NDUFS4: variants seen among roughly 807,000 people sequenced by gnomAD.
NDUFS4 encodes NADH:ubiquinone oxidoreductase subunit S4.
NDUFS4 carries 28 observed loss-of-function variants against 24.3 expected under a neutral mutation model. That is an observed-to-expected ratio of 1.15 (90% CI 0.85 to 1.58). NDUFS4 has a LOEUF of 1.58. Among genes scored for constraint, NDUFS4 ranks in the 40% most tolerant of loss-of-function variants. The probability of loss-of-function intolerance (pLI) is 0.00; values close to 1 mark genes in which losing one functional copy is unlikely to be tolerated. For synonymous variants in NDUFS4, 93 were observed against 69.7 expected, an observed-to-expected ratio of 1.34 and a Z score of -1.67; for missense variants, 223 against 207.9, an observed-to-expected ratio of 1.07 and a Z score of -0.45.
intron 2 of NDUFS4, among the ~76,000 whole-genome samples, chr5:53,618,605 C>T (rs1158323409): frequency 1.3e-5 from 2 of 152,072 alleles, no homozygotes; most frequent in Non-Finnish European, 2.9e-5. Context: ...CTAATATCAT[C>T]TGTGATATTA....
chr5:53,680,548 A>G lies in NDUFS4; in HGVS notation c.425-2570A>G, dbSNP rs577731954. ...TGTTGAGTTCATGTGCTTTGTAGGG[A>G]CATGGATGAAATTGGAAATCATCAT... On this transcript the variant is annotated intron_variant, in intron 4 of 4. Coordinates refer to ENST00000296684, the MANE Select transcript of NDUFS4 (RefSeq NM_002495.4). 4.7e-4 allele frequency among the ~76,000 whole-genome samples: 71 copies of G among 152,308 alleles called. No homozygotes were observed. The East Asian group carries it at 0.013, about 28-fold the overall frequency.
In NDUFS4 at chr5:53,646,288, G is replaced by C; in HGVS notation, c.233G>C (p.Arg78Thr). The C allele has an allele frequency of 1.2e-6, 2 of 1,613,326 alleles. No individual in the cohort carries two copies. Among genetic ancestry groups the C allele is most frequent in the African/African-American group, 1.3e-5 (1 of 74,978 alleles). ...GAGCATATAAAAACTAGAAAAGTCAGGATCTTTGTTCCTGCTCGCAATAAC... is the reference window on the plus strand; with the variant it reads ...GAGCATATAAAAACTAGAAAAGTCACGATCTTTGTTCCTGCTCGCAATAAC... The part of the protein sequence containing the change: ...PEEHIKTRKV[R>T]IFVPARNNMQ... The change falls in exon 3 of 5, where the codon AGG (arginine) becomes ACG (threonine). Residue 78 changes from arginine (R) to threonine (T), a missense_variant. Arg to Thr is a moderately conservative substitution (Grantham distance 71). Transcript: ENST00000296684.
At chr5:53,593,806 G>A (rs1227981284) in intron 1 of NDUFS4, among the ~76,000 whole-genome samples, 1 of 151,874 alleles carries the variant, frequency 6.6e-6, no homozygotes, top group Non-Finnish European at 1.5e-5. Flanking sequence ...TTTGACCCAT[G>A]AGTTATTTAG....
intron 1 of NDUFS4, among the ~76,000 whole-genome samples, chr5:53,595,839 C>T (rs1027221805): frequency 2.0e-5 from 3 of 152,176 alleles, no homozygotes; most frequent in Admixed American, 6.5e-5. Context: ...TTAGTTCCTA[C>T]CATAGTTCTA....
At chr5:53,608,278 G>C (rs565868940) in intron 2 of NDUFS4, among the ~76,000 whole-genome samples, 1 of 152,154 alleles carries the variant, frequency 6.6e-6, no homozygotes. Context: ...TTAGGGAATC[G>C]TAATCATTTG....
chr5:53,560,848 C>T, intron 1 of NDUFS4, 88 bp downstream of exon 1: 1 of 1,595,502 alleles, frequency 6.3e-7, no homozygotes, highest in Non-Finnish European at 8.5e-7. Context: ...GAGGAGGCCT[C>T]GGGGAAGGCG....
intron 2 of NDUFS4, among the ~76,000 whole-genome samples, chr5:53,645,288 A>G (rs534169561): frequency 6.6e-6 from 1 of 152,288 alleles, no homozygotes; most frequent in East Asian, 1.9e-4. Context: ...TAACCCATTT[A>G]TGTCTGAGGT....
Position 53,560,659 on chromosome 5 carries a change from C to A in NDUFS4, c.-4C>A, listed in dbSNP as rs771265080. Reference sequence around the variant, plus strand: ...CTTTCATCCTGGCGTTTGCCTGCAGCAAGATGGCGGCGGTGTCAATGTCAG... The same window carrying A: ...CTTTCATCCTGGCGTTTGCCTGCAGAAAGATGGCGGCGGTGTCAATGTCAG... On this transcript the variant is annotated 5_prime_UTR_variant, in exon 1 of 5. Transcript: ENST00000296684. The A allele has an allele frequency of 1.2e-6, 2 of 1,614,254 alleles. No homozygotes were observed. Among genetic ancestry groups the A allele is most frequent in the South Asian group, 1.1e-5 (1 of 91,092 alleles).
chr5:53,561,608 C>G (rs1374122149), intron 1 of NDUFS4, among the ~76,000 whole-genome samples: 1 of 151,592 alleles, frequency 6.6e-6, no homozygotes, highest in Admixed American at 6.6e-5. Context: ...TACGTACATA[C>G]ACACACATAT....
At chr5:53,638,791 T>C (rs1248779125) in intron 2 of NDUFS4, among the ~76,000 whole-genome samples, 1 of 152,156 alleles carries the variant, frequency 6.6e-6, no homozygotes, top group Non-Finnish European at 1.5e-5. Flanking sequence ...TTCACTTTCT[T>C]AAACCAGTAC....
chr5:53,607,244 T>C (rs1750550144), intron 2 of NDUFS4, among the ~76,000 whole-genome samples: 1 of 152,194 alleles, frequency 6.6e-6, no homozygotes, highest in Admixed American at 6.5e-5. Flanking sequence ...TGATAGTTTT[T>C]CAACCGTTGT....
chr5:53,626,639 G>C (rs62371566), intron 2 of NDUFS4, among the ~76,000 whole-genome samples: 3 of 152,312 alleles, frequency 2.0e-5, no homozygotes, highest in East Asian at 3.9e-4. Context: ...CAGTGATGAT[G>C]AGCATTTTTT....
intron 1 of NDUFS4, among the ~76,000 whole-genome samples, chr5:53,583,261 G>A (rs1749632890): frequency 6.6e-6 from 1 of 152,096 alleles, no homozygotes; most frequent in African/African-American, 2.4e-5. Context: ...AAAAAATGAT[G>A]ACTTTTATAG....
intron 2 of NDUFS4, among the ~76,000 whole-genome samples, chr5:53,615,084 T>C (rs1457233629): frequency 1.3e-5 from 2 of 151,970 alleles, no homozygotes; most frequent in Non-Finnish European, 2.9e-5. Flanking sequence ...GATAGATCCC[T>C]GATGCTTTAT....
chr5:53,621,979 C>T (rs1278977644), intron 2 of NDUFS4, among the ~76,000 whole-genome samples: 1 of 151,946 alleles, frequency 6.6e-6, no homozygotes, highest in Admixed American at 6.6e-5. Flanking sequence ...GGATTACAGG[C>T]GTGAGCCACC....
intron 4 of NDUFS4, among the ~76,000 whole-genome samples, chr5:53,665,022 C>G (rs1420729918): frequency 6.6e-6 from 1 of 152,124 alleles, no homozygotes; most frequent in Admixed American, 6.5e-5. Context: ...GATGTCCTTT[C>G]TGTTTGTTAG....
intron 2 of NDUFS4, among the ~76,000 whole-genome samples, chr5:53,615,512 C>A (rs1156735580): frequency 1.3e-5 from 2 of 151,946 alleles, no homozygotes. Flanking sequence ...CTTCAAAATA[C>A]CACCTGCAAG....
At chr5:53,586,095 G>A (rs1329945085) in intron 1 of NDUFS4, among the ~76,000 whole-genome samples, 2 of 151,886 alleles carry the variant, frequency 1.3e-5, no homozygotes, top group African/African-American at 4.8e-5. Flanking sequence ...TTCGGAGGCC[G>A]AGGCAGGTGG....
intron 1 of NDUFS4, among the ~76,000 whole-genome samples, chr5:53,584,890 C>G (rs1749695140): frequency 6.6e-6 from 1 of 151,992 alleles, no homozygotes; most frequent in African/African-American, 2.4e-5. Context: ...GCCTCAGCCT[C>G]CCAAGTAGCT....
Sources: allele counts gnomAD v4.1 joint callset (sites outside exome capture counted in the v4.1 genomes callset), GRCh38; gene constraint gnomAD v4.1.1; transcripts MANE v1.5; gene names NCBI Gene and HGNC (gene_info 2026-07-23, HGNC 2026-07-21).